The following LRRTM3 variants were observed in gnomAD, a reference collection of about 807,000 sequenced individuals.
The protein encoded by LRRTM3 is leucine rich repeat transmembrane neuronal 3.
Under a neutral mutation model 44.7 loss-of-function variants are expected in LRRTM3, and 24 were observed. The observed-to-expected ratio is 0.54, with a 90% CI of 0.39 to 0.76. The LOEUF is 0.76. Ranked by LOEUF, LRRTM3 falls within the 30% of genes least tolerant of loss-of-function variation. LRRTM3 has a pLI of 0.00. For synonymous variants in LRRTM3, 277 were observed against 278.7 expected, an observed-to-expected ratio of 0.99 and a Z score of 0.06; for missense variants, 587 against 702.2, an observed-to-expected ratio of 0.84 and a Z score of 1.85.
intron 2 of LRRTM3, among the ~76,000 whole-genome samples, chr10:66,949,292 C>A (rs1300332255): frequency 6.6e-6 from 1 of 152,144 alleles, no homozygotes; most frequent in African/African-American, 2.4e-5. Flanking sequence ...GCTGTGGGCT[C>A]ATGCCTGTAA....
intron 2 of LRRTM3, among the ~76,000 whole-genome samples, chr10:66,989,234 A>AG (rs1850904427): frequency 6.6e-6 from 1 of 151,974 alleles, no homozygotes; most frequent in African/African-American, 2.4e-5. Flanking sequence ...GGGCCCTCCT[A>AG]GGGGTCAATA....
In LRRTM3 at chr10:66,974,859, G is replaced by GT. The variant is rs200016004; in HGVS notation, c.1536+46413dup. On this transcript the variant is annotated intron_variant, in intron 2 of 2. Coordinates refer to ENST00000361320, the MANE Select transcript of LRRTM3 (RefSeq NM_178011.5). ...ACTTTCATCTATATTTAGTTGAGTT[G>GT]TTTTTTCTTCATATTGAATTCTAAG... 5.9e-3 allele frequency among the ~76,000 whole-genome samples: 881 copies of GT among 149,978 alleles called. 3 individuals carry two copies. Among genetic ancestry groups the GT allele is most frequent in the Non-Finnish European group, 0.01 (685 of 67,422 alleles).
At chr10:66,962,927 C>T (rs1256639098) in intron 2 of LRRTM3, among the ~76,000 whole-genome samples, 1 of 152,100 alleles carries the variant, frequency 6.6e-6, no homozygotes, top group Middle Eastern at 3.2e-3. Context: ...GTTCACAGAT[C>T]TCTCCCCAGT....
At chr10:67,061,678 A>G (rs1302442113) in intron 2 of LRRTM3, among the ~76,000 whole-genome samples, 1 of 152,224 alleles carries the variant, frequency 6.6e-6, no homozygotes, top group African/African-American at 2.4e-5. Flanking sequence ...TGGTCAACAT[A>G]AAAGGGATGA....
intron 2 of LRRTM3, among the ~76,000 whole-genome samples, chr10:66,995,392 A>C (rs1851271957): frequency 6.6e-6 from 1 of 152,048 alleles, no homozygotes; most frequent in African/African-American, 2.4e-5. Flanking sequence ...AGTCCTCATC[A>C]TCTCTTACAT....
chr10:66,973,911 C>T (rs940043332), intron 2 of LRRTM3, among the ~76,000 whole-genome samples: 2 of 152,080 alleles, frequency 1.3e-5, no homozygotes, highest in Admixed American at 6.6e-5. Flanking sequence ...CGTGAACCAC[C>T]GCGTCCAGCC....
At chr10:67,031,427 A>G (rs1472178945) in intron 2 of LRRTM3, among the ~76,000 whole-genome samples, 1 of 152,204 alleles carries the variant, frequency 6.6e-6, no homozygotes, top group Non-Finnish European at 1.5e-5. Flanking sequence ...TCTACTATAC[A>G]TTGTGCTTAT....
intron 2 of LRRTM3, among the ~76,000 whole-genome samples, chr10:67,027,073 C>T (rs1471217248): frequency 6.6e-6 from 1 of 152,168 alleles, no homozygotes. Flanking sequence ...TCTCTGAGAG[C>T]GTAGATTTTT....
chr10:66,975,591 G>A (rs1298515017), intron 2 of LRRTM3, among the ~76,000 whole-genome samples: 1 of 152,178 alleles, frequency 6.6e-6, no homozygotes, highest in Non-Finnish European at 1.5e-5. Context: ...AATTCTATGA[G>A]TCTATGATTG....
chr10:67,057,512 C>G (rs903954519), intron 2 of LRRTM3, among the ~76,000 whole-genome samples: 3 of 152,146 alleles, frequency 2.0e-5, no homozygotes, highest in African/African-American at 7.2e-5. Flanking sequence ...TGGGACCATG[C>G]AGTAGTTCTC....
intron 2 of LRRTM3, among the ~76,000 whole-genome samples, chr10:67,053,552 C>T (rs574943962): frequency 3.3e-4 from 50 of 152,268 alleles, no homozygotes; most frequent in African/African-American, 1.1e-3. Context: ...ATAGTTCCTC[C>T]ATTATCTATC....
rs756513160 is a variant in LRRTM3 at position 66,927,375 on chromosome 10, T to C, written c.459T>C (p.Phe153=). The part of the protein sequence containing the change: ...NQLHSLGSEQ[F]RGLRKLLSLH... ...TGCATTCTCTGGGATCTGAACAGTT[T>C]CGGGGCTTGCGGAAGCTGCTGAGTT... The change falls in exon 2 of 3, where the codon TTT becomes TTC. Residue 153 remains phenylalanine (F), a synonymous_variant. Coordinates refer to ENST00000361320, the MANE Select transcript of LRRTM3 (RefSeq NM_178011.5). This position sits in a 1 kb window ranked among gnomAD's most constrained non-coding sequence, Gnocchi z 4.7. 56 of 1,614,204 alleles carry C rather than the reference T, an allele frequency of 3.5e-5. No homozygotes were observed. Among genetic ancestry groups the C allele is most frequent in the Non-Finnish European group, 4.7e-5 (56 of 1,180,036 alleles).
chr10:67,019,558 G>A (rs567691733), intron 2 of LRRTM3, among the ~76,000 whole-genome samples: 6 of 152,060 alleles, frequency 3.9e-5, no homozygotes, highest in Non-Finnish European at 5.9e-5. Context: ...GAACTTTATC[G>A]TATATAAAAT....
chr10:66,970,380 G>A lies in LRRTM3; in HGVS notation c.1536+41928G>A, dbSNP rs545681459. ...CTGCATACACAGTCAGCTTCTTCTC[G>A]ATATACAGCAGATATGTAACAATTA... On this transcript the variant is annotated intron_variant, in intron 2 of 2. Coordinates refer to ENST00000361320, the MANE Select transcript of LRRTM3 (RefSeq NM_178011.5). Among the ~76,000 whole-genome samples the A allele has an allele frequency of 1.8e-4, 28 of 151,870 alleles. No homozygotes were observed. The South Asian group carries it at 4.6e-3, about 25-fold the overall frequency.
intron 2 of LRRTM3, among the ~76,000 whole-genome samples, chr10:67,040,467 G>A (rs1854324673): frequency 6.6e-6 from 1 of 152,026 alleles, no homozygotes; most frequent in Non-Finnish European, 1.5e-5. Context: ...TTGGATTTGA[G>A]AGTGCCATGA....
chr10:67,033,045 C>G (rs1159559741), intron 2 of LRRTM3, among the ~76,000 whole-genome samples: 18 of 152,096 alleles, frequency 1.2e-4, no homozygotes, highest in African/African-American at 4.1e-4. Flanking sequence ...CCTAAAGGAA[C>G]AAAGATAACA....
At chr10:67,089,717 A>ATGTGTG (rs71006125) in intron 2 of LRRTM3, among the ~76,000 whole-genome samples, 11,912 of 144,614 alleles carry the variant, frequency 0.082, 524 homozygotes, top group Middle Eastern at 0.12. Flanking sequence ...GTATATACAT[A>ATGTGTG]TGTGTGTGTG....
In LRRTM3 at chr10:66,926,054, C is replaced by T. The variant is rs1440876177; in HGVS notation, c.-530C>T. ...CCAAAGCAACAGTCCGAGCAGCTTT[C>T]AGAATGACAGTCTGCAGAAGTGAGC... On this transcript the variant is annotated 5_prime_UTR_variant, in exon 1 of 3. Transcript: ENST00000361320. The T allele has an allele frequency of 2.2e-6, 1 of 457,026 alleles. No homozygotes were observed. The highest frequency in any genetic ancestry group is 4.4e-6 in the Non-Finnish European group (1 of 227,310). 28.3% of individuals were successfully genotyped at this position (457,026 alleles called of 1,614,324 possible). A position where few individuals can be genotyped will look rare whatever the true frequency, so the allele number is the denominator to read the frequency against.
chr10:67,019,809 T>A (rs1258448354), intron 2 of LRRTM3, among the ~76,000 whole-genome samples: 1 of 152,208 alleles, frequency 6.6e-6, no homozygotes, highest in East Asian at 1.9e-4. Flanking sequence ...TTACTCACTT[T>A]AAGTTCAAAT....
Sources: allele counts gnomAD v4.1 joint callset (sites outside exome capture counted in the v4.1 genomes callset), GRCh38; gene constraint gnomAD v4.1.1; non-coding constraint Gnocchi (gnomAD v3.1); transcripts MANE v1.5; gene names NCBI Gene and HGNC (gene_info 2026-07-23, HGNC 2026-07-21).